Variants in RAP1GAP2 observed in about 807,000 individuals in gnomAD.
The protein encoded by RAP1GAP2 is RAP1 GTPase activating protein 2.
RAP1GAP2 carries 27 observed loss-of-function variants against 95.0 expected under a neutral mutation model. The ratio of observed to expected loss-of-function variants is 0.28; its 90% CI spans 0.21 to 0.39. The LOEUF is 0.39. RAP1GAP2 is among the 10% of genes least tolerant of loss of function. The probability of loss-of-function intolerance (pLI) is 1.00; values close to 1 mark genes in which losing one functional copy is unlikely to be tolerated. For missense variants in RAP1GAP2, 771 were observed against 970.0 expected (o/e 0.79, Z 2.72); for synonymous variants, 373 against 380.9 (o/e 0.98, Z 0.24).
chr17:2,906,057 T>A lies in RAP1GAP2; in HGVS notation c.165+689T>A, dbSNP rs1177296950. On this transcript the variant is annotated intron_variant, in intron 3 of 24. Coordinates refer to ENST00000254695, the MANE Select transcript of RAP1GAP2 (RefSeq NM_015085.5). This position sits in a 1 kb window ranked among gnomAD's most constrained non-coding sequence, Gnocchi z 4.3. ...GAGGAGACTTTTGGCTCAGCCAGTG[T>A]TTCTGCATAGGCTGGCATGCACGCT... 6.6e-6 allele frequency among the ~76,000 whole-genome samples: 1 copy of A among 152,124 alleles called. No homozygotes were observed. Among genetic ancestry groups the A allele is most frequent in the Non-Finnish European group, 1.5e-5 (1 of 68,016 alleles).
In RAP1GAP2 at chr17:2,904,273, C is replaced by T. The variant is rs2042116611; in HGVS notation, c.81-1011C>T. On this transcript the variant is annotated intron_variant, in intron 2 of 24. Coordinates refer to ENST00000254695, the MANE Select transcript of RAP1GAP2 (RefSeq NM_015085.5). This position sits in a 1 kb window ranked among gnomAD's most constrained non-coding sequence, Gnocchi z 4.7. Reference sequence around the variant, plus strand: ...AGCTGGCCCTGTTGTGCAGCCGTGGCTCTGAAGGCTGATCCCATGCCAAAC... The same window carrying T: ...AGCTGGCCCTGTTGTGCAGCCGTGGTTCTGAAGGCTGATCCCATGCCAAAC... 1.3e-5 allele frequency among the ~76,000 whole-genome samples: 2 copies of T among 152,134 alleles called. No individual in the cohort carries two copies. The highest frequency in any genetic ancestry group is 4.8e-5 in the African/African-American group (2 of 41,432).
intron 2 of RAP1GAP2, among the ~76,000 whole-genome samples, chr17:2,884,580 C>G (rs1049037924): frequency 6.6e-6 from 1 of 151,930 alleles, no homozygotes; most frequent in African/African-American, 2.4e-5. Context: ...CACCATGTTG[C>G]CCAGGCTGGT....
At chr17:2,928,831 G>C (rs990744079) in intron 3 of RAP1GAP2, among the ~76,000 whole-genome samples, 1 of 152,090 alleles carries the variant, frequency 6.6e-6, no homozygotes. Flanking sequence ...AGGGGTGGGG[G>C]TGCCTGTTAT....
chr17:2,917,974 C>T (rs544307621), intron 3 of RAP1GAP2, among the ~76,000 whole-genome samples: 19 of 152,208 alleles, frequency 1.2e-4, no homozygotes, highest in East Asian at 7.7e-4. Flanking sequence ...CCTCGGCCTC[C>T]GGAAGTGCTG....
At chr17:2,898,119 C>T (rs1275652803) in intron 2 of RAP1GAP2, among the ~76,000 whole-genome samples, 2 of 152,010 alleles carry the variant, frequency 1.3e-5, no homozygotes, top group African/African-American at 2.4e-5. Flanking sequence ...CACCATGTTG[C>T]CCAGGTTGGT....
At chr17:2,984,225 G>A (rs955647286) in intron 10 of RAP1GAP2, among the ~76,000 whole-genome samples, 2 of 152,140 alleles carry the variant, frequency 1.3e-5, no homozygotes, top group Non-Finnish European at 2.9e-5. Context: ...GTGGGGGCCT[G>A]TAATCCCAAC....
intron 2 of RAP1GAP2, among the ~76,000 whole-genome samples, chr17:2,847,056 T>G (rs1415557308): frequency 1.3e-5 from 2 of 152,228 alleles, no homozygotes; most frequent in Non-Finnish European, 2.9e-5. Context: ...TCGCCCAGGT[T>G]GGAGTGCAGT....
chr17:2,919,140 G>C (rs2042669489), intron 3 of RAP1GAP2, among the ~76,000 whole-genome samples: 1 of 152,156 alleles, frequency 6.6e-6, no homozygotes, highest in Non-Finnish European at 1.5e-5. Flanking sequence ...CCTTCCAAGA[G>C]CCTTGTGGAT....
rs901305139 is a variant in RAP1GAP2, at chr17:3,004,163, G to A, written c.1201-1206G>A. Among the ~76,000 whole-genome samples, 3 of 152,204 alleles carry A rather than the reference G, an allele frequency of 2.0e-5. No homozygotes were observed. Among genetic ancestry groups the A allele is most frequent in the African/African-American group, 7.2e-5 (3 of 41,458 alleles). The stretch of plus-strand genomic sequence containing the variant: ...TGACCTGGGCCACCGGTGCCTGGTG[G>A]GTGGTGGTAGGGAACCGGGTTCAGC... On this transcript the variant is annotated intron_variant, in intron 14 of 24. Coordinates refer to ENST00000254695, the MANE Select transcript of RAP1GAP2 (RefSeq NM_015085.5). The surrounding 1 kb of genome is among the most constrained non-coding windows in gnomAD (Gnocchi z 4.1).
chr17:2,956,314 C>A (rs899658680), intron 3 of RAP1GAP2, among the ~76,000 whole-genome samples: 1 of 152,202 alleles, frequency 6.6e-6, no homozygotes, highest in Non-Finnish European at 1.5e-5. Flanking sequence ...GCTGGTAGGT[C>A]GGAGCTTTTT....
intron 3 of RAP1GAP2, among the ~76,000 whole-genome samples, chr17:2,941,893 G>C (rs529586570): frequency 4.8e-4 from 73 of 152,278 alleles, no homozygotes; most frequent in Middle Eastern, 3.4e-3. Context: ...GTGTTGGTCA[G>C]GCTGGTTTTG....
intron 8 of RAP1GAP2, among the ~76,000 whole-genome samples, chr17:2,966,569 C>T (rs1597746553): frequency 6.6e-6 from 1 of 152,146 alleles, no homozygotes; most frequent in East Asian, 1.9e-4. Flanking sequence ...ACATATAACC[C>T]CACTTTGGGA....
chr17:3,000,503 A>G (rs374683206), intron 14 of RAP1GAP2, among the ~76,000 whole-genome samples: 1 of 6,912 alleles, frequency 1.4e-4, no homozygotes, highest in Non-Finnish European at 3.5e-4. Flanking sequence ...GAGGTAACAG[A>G]ATCAGCCTCA....
intron 2 of RAP1GAP2, among the ~76,000 whole-genome samples, chr17:2,803,607 G>A (rs1445901606): frequency 1.3e-5 from 2 of 152,218 alleles, no homozygotes; most frequent in Admixed American, 6.5e-5. Flanking sequence ...GGCCAGGCGC[G>A]ATGGCTCACG....
intron 8 of RAP1GAP2, among the ~76,000 whole-genome samples, chr17:2,966,397 C>T (rs539952160): frequency 8.9e-4 from 136 of 152,230 alleles, no homozygotes; most frequent in Non-Finnish European, 1.6e-3. Flanking sequence ...TTATTTATCT[C>T]TGTCCCTGGT....
At chr17:2,969,419 C>T (rs1271130825) in intron 8 of RAP1GAP2, among the ~76,000 whole-genome samples, 1 of 142,568 alleles carries the variant, frequency 7.0e-6, no homozygotes, top group Admixed American at 7.4e-5. Context: ...TAGGCTCCAA[C>T]CCAACCATTT....
chr17:2,880,300 A>G (rs1180255042), intron 2 of RAP1GAP2, among the ~76,000 whole-genome samples: 2 of 107,782 alleles, frequency 1.9e-5, no homozygotes, highest in Non-Finnish European at 3.7e-5. Flanking sequence ...CGGTTGGGGC[A>G]GGTGTGGAGA....
chr17:2,996,273 G>C (rs1423406547), intron 13 of RAP1GAP2, among the ~76,000 whole-genome samples: 1 of 152,174 alleles, frequency 6.6e-6, no homozygotes, highest in Non-Finnish European at 1.5e-5. Context: ...CCCGTTTGCT[G>C]CTCTGACAGC....
intron 2 of RAP1GAP2, among the ~76,000 whole-genome samples, chr17:2,847,984 A>T (rs569115933): frequency 4.6e-5 from 7 of 152,348 alleles, no homozygotes; most frequent in African/African-American, 1.7e-4. Context: ...AATGAACTTC[A>T]AAAAAGGAAG....
Sources: gnomAD v4.1 joint callset for allele counts (sites outside exome capture counted in the v4.1 genomes callset) on GRCh38, gnomAD v4.1.1 for gene constraint, Gnocchi (gnomAD v3.1) non-coding constraint, MANE v1.5 for transcripts, NCBI Gene and HGNC (gene_info 2026-07-23, HGNC 2026-07-21) for gene names.